The following KCND3 variants were observed in gnomAD, a reference collection of about 807,000 sequenced individuals.
KCND3 encodes the protein potassium voltage-gated channel subfamily D member 3, also known as A-type voltage-gated potassium channel KCND3.
KCND3 carries 9 observed loss-of-function variants against 51.1 expected under a neutral mutation model. That is an observed-to-expected ratio of 0.18 (90% CI 0.11 to 0.31). KCND3 has a LOEUF of 0.31. Among genes scored for constraint, KCND3 ranks in the 10% least tolerant of loss-of-function variants. The pLI is 1.00. For missense variants in KCND3, 526 were observed against 903.8 expected, an observed-to-expected ratio of 0.58 and a Z score of 5.36; for synonymous variants, 349 against 368.0, an observed-to-expected ratio of 0.95 and a Z score of 0.59.
intron 2 of KCND3, among the ~76,000 whole-genome samples, chr1:111,849,363 C>T (rs76482137): frequency 5.9e-5 from 9 of 152,356 alleles, no homozygotes; most frequent in African/African-American, 1.9e-4. Context: ...AGGGGCTAAG[C>T]CCAGGGGATC....
chr1:111,804,632 G>C (rs949092857), intron 2 of KCND3, among the ~76,000 whole-genome samples: 2 of 152,222 alleles, frequency 1.3e-5, no homozygotes, highest in Non-Finnish European at 2.9e-5. Context: ...CTGCTGGGGA[G>C]AGCATGAGAA....
chr1:111,980,445 C>T (rs1250043715), intron 2 of KCND3, among the ~76,000 whole-genome samples: 2 of 151,764 alleles, frequency 1.3e-5, no homozygotes, highest in East Asian at 3.9e-4. Flanking sequence ...AATAAGCATA[C>T]GCAGCACTAT....
chr1:111,887,416 G>C lies in KCND3; in HGVS notation c.1106+94205C>G, dbSNP rs145658857. Among the ~76,000 whole-genome samples, 38 of 152,310 alleles carry C rather than the reference G, an allele frequency of 2.5e-4. No homozygotes were observed. The East Asian group carries it at 7.1e-3, about 29-fold the overall frequency. ...ACAATTTGGTGGTGGTCATACCAGA[G>C]AAGGACAAAGAGGGGAAGGTGAGAG... is the stretch of plus-strand genomic sequence containing the variant. On this transcript the variant is annotated intron_variant, in intron 2 of 7. Transcript: ENST00000302127.
At chr1:111,966,957 A>G (rs1031157927) in intron 2 of KCND3, among the ~76,000 whole-genome samples, 6 of 152,064 alleles carry the variant, frequency 3.9e-5, no homozygotes, top group African/African-American at 1.4e-4. Flanking sequence ...CCTGGCCAAC[A>G]TGGAGAAACC....
At chr1:111,884,912 C>T (rs1421023486) in intron 2 of KCND3, among the ~76,000 whole-genome samples, 5 of 152,060 alleles carry the variant, frequency 3.3e-5, no homozygotes, top group Admixed American at 2.6e-4. Flanking sequence ...GTGAGTATGG[C>T]GATGGGGGCG....
At chr1:111,783,695 C>T (rs1027850579) in intron 3 of KCND3, among the ~76,000 whole-genome samples, 1 of 152,170 alleles carries the variant, frequency 6.6e-6, no homozygotes, top group African/African-American at 2.4e-5. Flanking sequence ...AAAACTTATG[C>T]TCACATAAAA....
intron 2 of KCND3, among the ~76,000 whole-genome samples, chr1:111,799,663 G>C (rs1287672528): frequency 6.6e-6 from 1 of 152,220 alleles, no homozygotes; most frequent in Non-Finnish European, 1.5e-5. Context: ...CAAAAGAGGT[G>C]ATCACTGTAG....
intron 2 of KCND3, among the ~76,000 whole-genome samples, chr1:111,846,329 G>GC (rs1667546380): frequency 6.6e-6 from 1 of 152,156 alleles, no homozygotes. Context: ...GCCAGAAAAA[G>GC]CCCATTTATC....
At chr1:111,866,759 C>T (rs1668595230) in intron 2 of KCND3, among the ~76,000 whole-genome samples, 1 of 152,088 alleles carries the variant, frequency 6.6e-6, no homozygotes, top group Admixed American at 6.6e-5. Context: ...TAGTGAGACC[C>T]CCAACTCTGA....
chr1:111,878,572 C>T (rs547934326), intron 2 of KCND3, among the ~76,000 whole-genome samples: 2 of 152,316 alleles, frequency 1.3e-5, no homozygotes, highest in South Asian at 4.1e-4. Context: ...GAGGCACCCT[C>T]GTTGTCAAGT....
chr1:111,956,029 AATGTGTTT>A (rs11277546), intron 2 of KCND3, among the ~76,000 whole-genome samples: 55,477 of 151,536 alleles, frequency 0.37, 10,338 homozygotes, highest in Admixed American at 0.42. Context: ...CCCTATGAGG[AATGTGTTT>A]TTATTACCTT....
intron 3 of KCND3, among the ~76,000 whole-genome samples, chr1:111,786,696 G>A (rs532419517): frequency 2.0e-5 from 3 of 152,118 alleles, no homozygotes; most frequent in African/African-American, 7.2e-5. Context: ...AGGAGCCAAG[G>A]AAATTGCCAA....
At chr1:111,952,894 C>T (rs1433110103) in intron 2 of KCND3, among the ~76,000 whole-genome samples, 1 of 152,132 alleles carries the variant, frequency 6.6e-6, no homozygotes, top group Non-Finnish European at 1.5e-5. Context: ...TGCAGAAGAC[C>T]TTCCCCCAAG....
chr1:111,942,656 C>A (rs568624377), intron 2 of KCND3, among the ~76,000 whole-genome samples: 5 of 152,226 alleles, frequency 3.3e-5, no homozygotes, highest in Admixed American at 6.5e-5. Context: ...TCATGCCTGC[C>A]ACCTGGGATT....
intron 2 of KCND3, among the ~76,000 whole-genome samples, chr1:111,860,237 G>A (rs1668271266): frequency 6.6e-6 from 1 of 152,214 alleles, no homozygotes; most frequent in African/African-American, 2.4e-5. Flanking sequence ...AAACCCCTAA[G>A]AAGTAGCTAT....
In KCND3 at chr1:111,917,604, C is replaced by T. The variant is rs72694605; in HGVS notation, c.1106+64017G>A. On this transcript the variant is annotated intron_variant, in intron 2 of 7. Transcript: ENST00000302127. ...GGAATCGGGGAGGGCCATTGGAAGA[C>T]GGGGAAAAATGAGCCCTTACATTGG... 1.9e-3 allele frequency among the ~76,000 whole-genome samples: 287 copies of T among 152,190 alleles called. 1 individual carries two copies. Among genetic ancestry groups the T allele is most frequent in the Non-Finnish European group, 3.3e-3 (225 of 68,002 alleles).
chr1:111,950,780 G>A (rs1316415703), intron 2 of KCND3, among the ~76,000 whole-genome samples: 1 of 152,200 alleles, frequency 6.6e-6, no homozygotes, highest in African/African-American at 2.4e-5. Flanking sequence ...AGAGCTGTGG[G>A]TTTGCCAGAG....
At chr1:111,876,136 T>G (rs994079474) in intron 2 of KCND3, among the ~76,000 whole-genome samples, 1 of 152,350 alleles carries the variant, frequency 6.6e-6, no homozygotes, top group Admixed American at 6.5e-5. Context: ...GCTCAAGGGC[T>G]AAATCCACTC....
chr1:111,803,263 C>T (rs997989890), intron 2 of KCND3, among the ~76,000 whole-genome samples: 3 of 152,138 alleles, frequency 2.0e-5, no homozygotes, highest in Non-Finnish European at 4.4e-5. Context: ...GCCTGGGACA[C>T]CTCTGCCTCT....
Sources: allele counts gnomAD v4.1 joint callset (sites outside exome capture counted in the v4.1 genomes callset), GRCh38; gene constraint gnomAD v4.1.1; transcripts MANE v1.5; gene names NCBI Gene and HGNC (gene_info 2026-07-23, HGNC 2026-07-21).